Variants in ZPBP observed in about 807,000 individuals in gnomAD.
The protein encoded by ZPBP is zona pellucida binding protein.
Under a neutral mutation model 44.8 loss-of-function variants are expected in ZPBP, and 26 were observed. The observed-to-expected ratio is 0.58, with a 90% CI of 0.43 to 0.81. The LOEUF is 0.81. Ranked by LOEUF, ZPBP falls within the 30% of genes least tolerant of loss-of-function variation. The pLI is 0.00. For synonymous variants in ZPBP, 174 were observed against 153.2 expected (o/e 1.14, Z -1.00); for missense variants, 409 against 434.0 (o/e 0.94, Z 0.51).
At chr7:49,957,329 TCATCACAGGCCCAGAGTGTCACTCCTCG>T (rs905629469) in intron 7 of ZPBP, among the ~76,000 whole-genome samples, 1 of 152,204 alleles carries the variant, frequency 6.6e-6, no homozygotes, top group African/African-American at 2.4e-5. Flanking sequence ...AACAGTCCTC[TCATCACAGGCCCAGAGTGTCACTCCTCG>T]CATCACAGGC....
intron 7 of ZPBP, chr7:49,942,280 C>A: frequency 4.6e-6 from 1 of 218,692 alleles, no homozygotes; most frequent in Non-Finnish European, 9.1e-6. Flanking sequence ...GTTTCTGCTT[C>A]AGTCCCTCTG....
the ZPBP span, among the ~76,000 whole-genome samples, chr7:49,843,711 G>C: frequency 6.6e-6 from 1 of 152,208 alleles, no homozygotes; most frequent in Non-Finnish European, 1.5e-5. Flanking sequence ...AGGTCTATTA[G>C]AGACAAGGTC....
At chr7:49,861,572 C>A (rs909464139) in intron 2 of ZPBP, among the ~76,000 whole-genome samples, 1 of 152,074 alleles carries the variant, frequency 6.6e-6, no homozygotes, top group African/African-American at 2.4e-5. Flanking sequence ...CTGCCAAATT[C>A]TGGGTAAGAA....
chr7:49,965,828 T>C (rs1796035156), intron 7 of ZPBP, among the ~76,000 whole-genome samples: 3 of 152,022 alleles, frequency 2.0e-5, no homozygotes, highest in African/African-American at 7.2e-5. Context: ...TGGACTAAGA[T>C]AAATTAATAA....
rs1562818985 is a variant in ZPBP at position 49,981,314 on chromosome 7, TTATATAATATATATTATA to T, written c.961+2010_961+2027del. Among the ~76,000 whole-genome samples, 18 of 47,854 alleles carry T rather than the reference TTATATAATATATATTATA, an allele frequency of 3.8e-4. No homozygotes were observed. The East Asian group carries it at 5.2e-3, about 14-fold the overall frequency. The allele number at this position is 47,854 out of a possible 152,430, so 31.4% of individuals were successfully genotyped here. ...AATATATATTATATATAATTATATA[TTATATAATATATATTATA>T]ATTATATATATTATATAATATATAT... On this transcript the variant is annotated intron_variant, in intron 7 of 7. Transcript: ENST00000046087.
chr7:49,939,399 A>C (rs1794764440), intron 7 of ZPBP, among the ~76,000 whole-genome samples: 1 of 152,208 alleles, frequency 6.6e-6, no homozygotes, highest in African/African-American at 2.4e-5. Context: ...GTAACATCAT[A>C]TAGTTCCTAT....
chr7:50,064,009 TCCAGTCTCTTATGTATCGGGGGACCTG>T (rs911189654), intron 3 of ZPBP, among the ~76,000 whole-genome samples: 2 of 152,216 alleles, frequency 1.3e-5, no homozygotes, highest in Non-Finnish European at 2.9e-5. Context: ...TCATTATCTT[TCCAGTCTCTTATGTATCGGGGGACCTG>T]CCCCGATAAT....
intron 4 of ZPBP, among the ~76,000 whole-genome samples, chr7:50,036,694 A>T (rs1334031552): frequency 2.0e-5 from 3 of 152,202 alleles, no homozygotes; most frequent in Non-Finnish European, 1.5e-5. Flanking sequence ...AAATGATGAT[A>T]AACATATCAG....
Position 49,999,995 on chromosome 7 carries a change from G to GT in ZPBP, c.784-16477dup, listed in dbSNP as rs1043129683. On this transcript the variant is annotated intron_variant, in intron 6 of 7. Coordinates refer to ENST00000046087, the MANE Select transcript of ZPBP (RefSeq NM_007009.3). The stretch of plus-strand genomic sequence containing the variant: ...TTGATGTACACAGAGGAAATTAGTT[G>GT]TTTTTTTTAATAGGGAGGGTAGATA... Among the ~76,000 whole-genome samples, 13 of 151,850 alleles carry GT rather than the reference G, an allele frequency of 8.6e-5. No individual in the cohort carries two copies. The East Asian group carries it at 1.2e-3, about 14-fold the overall frequency.
At chr7:49,970,211 C>T (rs1315243249) in intron 7 of ZPBP, among the ~76,000 whole-genome samples, 1 of 152,030 alleles carries the variant, frequency 6.6e-6, no homozygotes, top group East Asian at 1.9e-4. Flanking sequence ...AATAGATGTA[C>T]AGAAAAACAA....
intron 5 of ZPBP, among the ~76,000 whole-genome samples, chr7:50,029,984 T>C (rs950260862): frequency 7.2e-5 from 11 of 152,154 alleles, no homozygotes; most frequent in African/African-American, 2.7e-4. Context: ...GCCTCCCAAG[T>C]AGCTGGGATT....
At chr7:50,090,567 ATGTGTATATATT>A (rs1466195781) in intron 1 of ZPBP, among the ~76,000 whole-genome samples, 15 of 151,764 alleles carry the variant, frequency 9.9e-5, no homozygotes, top group Non-Finnish European at 2.9e-5. Flanking sequence ...ATGCATATAT[ATGTGTATATATT>A]TGTGTATATA....
intron 2 of ZPBP, among the ~76,000 whole-genome samples, chr7:49,851,989 C>T (rs913039533): frequency 2.6e-5 from 4 of 152,244 alleles, no homozygotes; most frequent in Admixed American, 6.5e-5. Context: ...AGATGGCATC[C>T]TCATCCCCTG....
intron 2 of ZPBP, among the ~76,000 whole-genome samples, chr7:49,866,855 C>T (rs533418907): frequency 2.1e-4 from 32 of 152,296 alleles, no homozygotes; most frequent in African/African-American, 4.3e-4. Context: ...TCAGACAACC[C>T]GAGGCATGCC....
At chr7:49,919,527 G>A (rs554368235) in intron 1 of ZPBP, 1 of 152,108 alleles carries the variant, frequency 6.6e-6, no homozygotes, top group African/African-American at 2.4e-5. Flanking sequence ...GTTATACTCT[G>A]CAGTATACCC....
At chr7:49,847,821 G>T (rs910874043), downstream of ZPBP, among the ~76,000 whole-genome samples, 3 of 152,108 alleles carry the variant, frequency 2.0e-5, no homozygotes, top group Non-Finnish European at 4.4e-5. Context: ...GTGGACAGTG[G>T]CTCTCAGTGT....
intron 2 of ZPBP, among the ~76,000 whole-genome samples, chr7:49,900,810 A>C (rs1273136835): frequency 6.6e-6 from 1 of 151,906 alleles, no homozygotes; most frequent in African/African-American, 2.4e-5. Flanking sequence ...CACTACAAGA[A>C]AGGAAAACTA....
At chr7:50,022,378 CA>C (rs1648206982) in intron 5 of ZPBP, among the ~76,000 whole-genome samples, 1 of 151,628 alleles carries the variant, frequency 6.6e-6, no homozygotes, top group South Asian at 2.1e-4. Context: ...GGGACAATAG[CA>C]TAGAGAAGGA....
Position 50,089,670 on chromosome 7 carries a change from G to A in ZPBP, c.167C>T (p.Thr56Ile), listed in dbSNP as rs778800523. ...LVRLPRAFRLTKDSVKIVGST... is the reference protein window; with the variant it reads ...LVRLPRAFRLIKDSVKIVGST... ...TCCCACTATTTTCACTGAATCTTTG[G>A]TCAAGCGAAAAGCTCTTGGTAATCG... Residue 56 changes from threonine to isoleucine, a missense_variant, in exon 2 of 8, where the codon ACC (threonine) becomes ATC (isoleucine). Physicochemically the swap from Thr to Ile is moderately conservative, Grantham distance 89. Coordinates refer to ENST00000046087, the MANE Select transcript of ZPBP (RefSeq NM_007009.3). The A allele has an allele frequency of 6.2e-7, 1 of 1,611,486 alleles. No homozygotes were observed. The highest frequency in any genetic ancestry group is 8.5e-7 in the Non-Finnish European group (1 of 1,178,760).
Sources: gnomAD v4.1 joint callset for allele counts (sites outside exome capture counted in the v4.1 genomes callset) on GRCh38, gnomAD v4.1.1 for gene constraint, MANE v1.5 for transcripts, NCBI Gene and HGNC (gene_info 2026-07-23, HGNC 2026-07-21) for gene names.